Variants in HNRNPR observed in about 807,000 individuals in gnomAD.
The protein encoded by HNRNPR is heterogeneous nuclear ribonucleoprotein R.
A neutral mutation model predicts 70.3 loss-of-function variants in HNRNPR; 4 were observed. That is an observed-to-expected ratio of 0.06 (90% CI 0.03 to 0.13). HNRNPR has a LOEUF of 0.13. Ranked by LOEUF, HNRNPR falls within the 10% of genes least tolerant of loss-of-function variation. HNRNPR has a pLI of 1.00. For synonymous variants in HNRNPR, 241 were observed against 267.6 expected (o/e 0.90, Z 0.97); for missense variants, 423 against 788.5 (o/e 0.54, Z 5.55).
intron 4 of HNRNPR, among the ~76,000 whole-genome samples, chr1:23,337,124 T>C (rs1327553931): frequency 2.0e-5 from 3 of 152,130 alleles, no homozygotes; most frequent in Non-Finnish European, 4.4e-5. Context: ...AACCTTTTTA[T>C]CAAGAGAAAA....
At chr1:23,343,774 AT>A (rs1646796920) in intron 1 of HNRNPR, among the ~76,000 whole-genome samples, 2 of 146,454 alleles carry the variant, frequency 1.4e-5, no homozygotes, top group South Asian at 4.8e-4. Flanking sequence ...CCCCACCCCC[AT>A]CCCCTCAGGC....
At chr1:23,326,505 C>T (rs1369435069) in intron 5 of HNRNPR, among the ~76,000 whole-genome samples, 1 of 152,178 alleles carries the variant, frequency 6.6e-6, no homozygotes, top group African/African-American at 2.4e-5. Context: ...TTTTTCCAGG[C>T]CGGGCACAGT....
rs1461465294 is a variant in HNRNPR, at chr1:23,311,269, G to C, written c.1221C>G (p.Val407=). 1.2e-6 allele frequency: 2 copies of C among 1,611,654 alleles called. No individual in the cohort carries two copies. Among genetic ancestry groups the C allele is most frequent in the East Asian group, 4.5e-5 (2 of 44,854 alleles). Residue 407 remains valine (V), a synonymous_variant, in exon 10 of 11, where the codon GTC becomes GTG. Transcript: ENST00000302271. ...TTTTCTTGTCTGGTGGCTTGGCTAA[G>C]ACTATTTCAATTTCTTCCCCTTCTA... ...KEIEGEEIEI[V]LAKPPDKKRK... is the part of the protein sequence containing the mutation.
intron 4 of HNRNPR, among the ~76,000 whole-genome samples, chr1:23,337,066 A>C (rs1646523828): frequency 6.6e-6 from 1 of 152,224 alleles, no homozygotes; most frequent in African/African-American, 2.4e-5. Context: ...GAGGTAACTG[A>C]ATATTCAAAA....
In HNRNPR at chr1:23,310,881, C is replaced by T; in HGVS notation, c.1475G>A (p.Gly492Asp). The change falls in exon 11 of 11, where the codon GGC (glycine) becomes GAC (aspartate). Residue 492 changes from glycine to aspartate, a missense_variant. Physicochemically the swap from Gly to Asp is moderately conservative, Grantham distance 94. Coordinates refer to ENST00000302271, the MANE Select transcript of HNRNPR (RefSeq NM_005826.5). The surrounding 1 kb of genome is among the most constrained non-coding windows in gnomAD (Gnocchi z 6.0). Reference sequence around the variant, plus strand: ...TCTTACTGCATAGCCATCATCATAGCCGTAGTAGGGATCTTCATAGCCTCC... The same window carrying T: ...TCTTACTGCATAGCCATCATCATAGTCGTAGTAGGGATCTTCATAGCCTCC... ...YRGGYEDPYY[G>D]YDDGYAVRGR... is the part of the protein sequence containing the mutation. 6.2e-7 allele frequency: 1 copy of T among 1,614,082 alleles called. No individual in the cohort carries two copies. The highest frequency in any genetic ancestry group is 8.5e-7 in the Non-Finnish European group (1 of 1,180,000).
intron 4 of HNRNPR, among the ~76,000 whole-genome samples, chr1:23,335,493 CT>C (rs1480185020): frequency 2.0e-5 from 3 of 152,246 alleles, no homozygotes; most frequent in Non-Finnish European, 2.9e-5. Context: ...ACAGCCGCTC[CT>C]CATCCTCCCT....
chr1:23,338,014 G>T (rs1307489566), intron 3 of HNRNPR, 153 bp from the exon 4 acceptor site: 10 of 612,044 alleles, frequency 1.6e-5, no homozygotes, highest in Non-Finnish European at 2.6e-5. Context: ...CTATGTGCCA[G>T]AGATTGGAGC....
Position 23,305,582 on chromosome 1 carries a change from T to C in HNRNPR, c.*4872A>G, listed in dbSNP as rs1165392412. 1.3e-5 allele frequency: 2 copies of C among 152,178 alleles called. No individual in the cohort carries two copies. Among genetic ancestry groups the C allele is most frequent in the African/African-American group, 2.4e-5 (1 of 41,456 alleles). The allele number at this position is 152,178 out of a possible 1,614,324, so 9.4% of individuals were successfully genotyped here. On this transcript the variant is annotated 3_prime_UTR_variant, in exon 11 of 11. Transcript: ENST00000302271. Reference sequence around the variant, plus strand: ...AATCAGTGTTTATACCATATTACAATTATTTTTTATATGGTATGGTCAGAA... The same window carrying C: ...AATCAGTGTTTATACCATATTACAACTATTTTTTATATGGTATGGTCAGAA...
At chr1:23,335,071 C>T (rs1345242733) in intron 4 of HNRNPR, among the ~76,000 whole-genome samples, 1 of 152,132 alleles carries the variant, frequency 6.6e-6, no homozygotes, top group Non-Finnish European at 1.5e-5. Flanking sequence ...GCGCCTGCCA[C>T]CACACCCGGC....
rs1049838951 is a variant in HNRNPR, at chr1:23,307,644, C to T, written c.*2810G>A. The T allele has an allele frequency of 6.6e-6, 1 of 151,970 alleles. No homozygotes were observed. Among genetic ancestry groups the T allele is most frequent in the Non-Finnish European group, 1.5e-5 (1 of 67,948 alleles). The allele number at this position is 151,970 out of a possible 1,614,324, so 9.4% of individuals were successfully genotyped here. Reference sequence around the variant, plus strand: ...TTTTTTGCTCTTAAAAATTAAAATACCTTCATATAAATACATACATTTAAG... The same window carrying T: ...TTTTTTGCTCTTAAAAATTAAAATATCTTCATATAAATACATACATTTAAG... On this transcript the variant is annotated 3_prime_UTR_variant, in exon 11 of 11. Transcript: ENST00000302271.
Position 23,318,124 on chromosome 1 carries a change from C to T in HNRNPR, c.1017+359G>A, listed in dbSNP as rs1645622008. 6.6e-6 allele frequency among the ~76,000 whole-genome samples: 1 copy of T among 150,496 alleles called. No individual in the cohort carries two copies. The highest frequency in any genetic ancestry group is 6.6e-5 in the Admixed American group (1 of 15,162). On this transcript the variant is annotated intron_variant, in intron 8 of 10. Coordinates refer to ENST00000302271, the MANE Select transcript of HNRNPR (RefSeq NM_005826.5). The surrounding 1 kb of genome is among the most constrained non-coding windows in gnomAD (Gnocchi z 4.2). ...ATAATATAGTCAATGAAGATTATAACTTATAATCTCCAAAACATTACTTCT... is the reference window on the plus strand; with the variant it reads ...ATAATATAGTCAATGAAGATTATAATTTATAATCTCCAAAACATTACTTCT...
rs752985336 is a variant in HNRNPR, at chr1:23,307,461, T to C, written c.*2993A>G. 1.3e-5 allele frequency: 2 copies of C among 152,062 alleles called. No individual in the cohort carries two copies. The highest frequency in any genetic ancestry group is 3.2e-3 in the Middle Eastern group (1 of 316). 9.4% of individuals were successfully genotyped at this position (152,062 alleles called of 1,614,324 possible). On this transcript the variant is annotated 3_prime_UTR_variant, in exon 11 of 11. Transcript: ENST00000302271. ...AATTATCTCCTACTATCAGAAAGCA[T>C]TGGGCTTTCTTATGCAGAATAACCC... is the stretch of plus-strand genomic sequence containing the variant.
chr1:23,308,879 T>G lies in HNRNPR; in HGVS notation c.*1575A>C, dbSNP rs1236849891. 3 of 152,068 alleles carry G rather than the reference T, an allele frequency of 2.0e-5. No homozygotes were observed. The highest frequency in any genetic ancestry group is 2.9e-5 in the Non-Finnish European group (2 of 67,924). The allele number at this position is 152,068 out of a possible 1,614,324, so 9.4% of individuals were successfully genotyped here. ...GAACAAAACACAGAATAATGGTGTATCCATTTTAATTATTCCCCAATGGCT... is the reference window on the plus strand; with the variant it reads ...GAACAAAACACAGAATAATGGTGTAGCCATTTTAATTATTCCCCAATGGCT... On this transcript the variant is annotated 3_prime_UTR_variant, in exon 11 of 11. Coordinates refer to ENST00000302271, the MANE Select transcript of HNRNPR (RefSeq NM_005826.5).
chr1:23,334,213 C>T (rs1646365117), intron 4 of HNRNPR, among the ~76,000 whole-genome samples: 1 of 151,146 alleles, frequency 6.6e-6, no homozygotes, highest in Admixed American at 6.6e-5. Flanking sequence ...TGTGCCCAGC[C>T]CCCACTGTCT....
chr1:23,342,303 A>G (rs1005815567), intron 1 of HNRNPR, among the ~76,000 whole-genome samples: 1 of 152,216 alleles, frequency 6.6e-6, no homozygotes, highest in East Asian at 1.9e-4. Flanking sequence ...AGTTAACGAA[A>G]GAGGGAGGAA....
At chr1:23,316,854 T>C (rs1645565532) in intron 8 of HNRNPR, among the ~76,000 whole-genome samples, 1 of 152,212 alleles carries the variant, frequency 6.6e-6, no homozygotes. Flanking sequence ...GACACCCATC[T>C]ACTCAAGGAA....
At chr1:23,324,365 G>C (rs749797560) in intron 5 of HNRNPR, among the ~76,000 whole-genome samples, 1 of 151,970 alleles carries the variant, frequency 6.6e-6, no homozygotes, top group African/African-American at 2.4e-5. Context: ...TCAGGAGATC[G>C]AGACTATCCT....
intron 5 of HNRNPR, among the ~76,000 whole-genome samples, chr1:23,325,010 G>A (rs59677544): frequency 6.6e-6 from 1 of 151,836 alleles, no homozygotes; most frequent in African/African-American, 2.4e-5. Context: ...CGTGGTGGCC[G>A]GCGCCTGTAG....
rs16828286 is a variant in HNRNPR, at chr1:23,318,962, G to A, written c.812-274C>T. On this transcript the variant is annotated intron_variant, in intron 7 of 10. Coordinates refer to ENST00000302271, the MANE Select transcript of HNRNPR (RefSeq NM_005826.5). The surrounding 1 kb of genome is among the most constrained non-coding windows in gnomAD (Gnocchi z 4.2). ...TTAACATGCTACAATGTTTTAGAGC[G>A]TTTGATATAACATGACTTTATTAAA... is the stretch of plus-strand genomic sequence containing the variant. Among the ~76,000 whole-genome samples, 5,153 of 152,156 alleles carry A rather than the reference G, an allele frequency of 0.034. 242 individuals are homozygous for A. The highest frequency in any genetic ancestry group is 0.1 in the African/African-American group (4,249 of 41,488).
Sources: gnomAD v4.1 joint callset for allele counts (sites outside exome capture counted in the v4.1 genomes callset) on GRCh38, gnomAD v4.1.1 for gene constraint, Gnocchi (gnomAD v3.1) non-coding constraint, MANE v1.5 for transcripts, NCBI Gene and HGNC (gene_info 2026-07-23, HGNC 2026-07-21) for gene names.